Variants in ARMH4 observed in about 807,000 individuals in gnomAD.
The protein encoded by ARMH4 is armadillo-like helical domain-containing protein 4.
Under a neutral mutation model 61.9 loss-of-function variants are expected in ARMH4, and 49 were observed. That is an observed-to-expected ratio of 0.79 (90% CI 0.63 to 1.00). The LOEUF (loss-of-function observed/expected upper bound fraction) is 1.00. Among genes scored for constraint, ARMH4 ranks in the 50% least tolerant of loss-of-function variants. The probability of loss-of-function intolerance (pLI) is 0.00; values close to 1 mark genes in which losing one functional copy is unlikely to be tolerated. For synonymous variants in ARMH4, 368 were observed against 341.5 expected, an observed-to-expected ratio of 1.08 and a Z score of -0.85; for missense variants, 934 against 930.0, an observed-to-expected ratio of 1.00 and a Z score of -0.06.
chr14:58,146,202 A>G (rs1164911472), intron 1 of ARMH4, among the ~76,000 whole-genome samples: 1 of 152,276 alleles, frequency 6.6e-6, no homozygotes, highest in Non-Finnish European at 1.5e-5. Context: ...GAATGTCTAT[A>G]GCCCACTTTG....
intron 4 of ARMH4, among the ~76,000 whole-genome samples, chr14:58,115,668 G>A (rs888574819): frequency 1.3e-5 from 2 of 152,074 alleles, no homozygotes; most frequent in South Asian, 2.1e-4. Context: ...GGTAATCAAC[G>A]AAGATGCCCA....
chr14:58,112,829 T>A (rs901495081), intron 4 of ARMH4, among the ~76,000 whole-genome samples: 3 of 152,190 alleles, frequency 2.0e-5, no homozygotes, highest in African/African-American at 7.2e-5. Flanking sequence ...CCATTGCTGC[T>A]AAGTCTGCTC....
At chr14:58,112,248 T>A (rs1422422180) in intron 4 of ARMH4, among the ~76,000 whole-genome samples, 3 of 152,116 alleles carry the variant, frequency 2.0e-5, no homozygotes, top group Non-Finnish European at 4.4e-5. Context: ...TTTGTGTTTG[T>A]TACTTTATTT....
At chr14:58,084,388 C>G (rs1420301157) in intron 5 of ARMH4, among the ~76,000 whole-genome samples, 1 of 152,158 alleles carries the variant, frequency 6.6e-6, no homozygotes, top group Non-Finnish European at 1.5e-5. Flanking sequence ...TACTATTGGT[C>G]TATTTCCCCC....
intron 5 of ARMH4, among the ~76,000 whole-genome samples, chr14:58,029,382 T>C (rs1883142961): frequency 6.6e-6 from 1 of 152,102 alleles, no homozygotes; most frequent in African/African-American, 2.4e-5. Flanking sequence ...TACAGGCATG[T>C]GTCACCATGC....
chr14:58,085,566 G>A (rs1885352293), intron 5 of ARMH4, among the ~76,000 whole-genome samples: 1 of 152,058 alleles, frequency 6.6e-6, no homozygotes, highest in Non-Finnish European at 1.5e-5. Flanking sequence ...GCTCTCCAAA[G>A]GAAAAGTGAT....
At chr14:58,077,257 TAA>T (rs1214902639) in intron 5 of ARMH4, among the ~76,000 whole-genome samples, 2 of 152,062 alleles carry the variant, frequency 1.3e-5, no homozygotes, top group East Asian at 3.8e-4. Flanking sequence ...TTAAAGATGG[TAA>T]AGAGTGAGAA....
intron 5 of ARMH4, among the ~76,000 whole-genome samples, chr14:58,070,605 C>T (rs1285593173): frequency 6.6e-6 from 1 of 152,152 alleles, no homozygotes; most frequent in Non-Finnish European, 1.5e-5. Context: ...GAACTGTGTA[C>T]AATTAGGCCT....
At chr14:58,099,216 A>G (rs1449844637) in intron 4 of ARMH4, among the ~76,000 whole-genome samples, 2 of 152,222 alleles carry the variant, frequency 1.3e-5, no homozygotes, top group East Asian at 3.9e-4. Flanking sequence ...GGGAATTGTC[A>G]ATTTATTAAT....
chr14:58,104,796 C>A (rs1886114848), intron 4 of ARMH4, among the ~76,000 whole-genome samples: 1 of 152,164 alleles, frequency 6.6e-6, no homozygotes, highest in African/African-American at 2.4e-5. Flanking sequence ...GAGTACTTGG[C>A]AATCAACAGC....
At chr14:58,043,522 GCAT>G (rs1314816994) in intron 5 of ARMH4, among the ~76,000 whole-genome samples, 2 of 152,160 alleles carry the variant, frequency 1.3e-5, no homozygotes, top group Non-Finnish European at 1.5e-5. Context: ...AAAACTGGAA[GCAT>G]TCCCTTTGAA....
chr14:58,063,120 C>T (rs1884585624), intron 5 of ARMH4, among the ~76,000 whole-genome samples: 1 of 152,186 alleles, frequency 6.6e-6, no homozygotes, highest in African/African-American at 2.4e-5. Flanking sequence ...GCTCTGGCAG[C>T]TCCAGGGGAT....
intron 2 of ARMH4, among the ~76,000 whole-genome samples, chr14:58,133,629 CAT>C (rs891403831): frequency 3.9e-5 from 6 of 152,116 alleles, no homozygotes; most frequent in Non-Finnish European, 7.3e-5. Flanking sequence ...CTTTCAGGCA[CAT>C]GTTTGAATGT....
intron 5 of ARMH4, among the ~76,000 whole-genome samples, chr14:58,015,614 C>G (rs1028394289): frequency 6.6e-6 from 1 of 151,892 alleles, no homozygotes; most frequent in Non-Finnish European, 1.5e-5. Flanking sequence ...CATGAGGATC[C>G]TGTAAACAGT....
At chr14:58,035,015 G>A (rs1883421561) in intron 5 of ARMH4, among the ~76,000 whole-genome samples, 3 of 113,412 alleles carry the variant, frequency 2.6e-5, no homozygotes, top group African/African-American at 9.5e-5. Flanking sequence ...AGTCAACAAG[G>A]ATACCCAGGA....
Position 58,138,705 on chromosome 14 carries a change from G to A in ARMH4, c.654C>T (p.Thr218=), listed in dbSNP as rs1229358047. The change falls in exon 2 of 8, where the codon ACC becomes ACT. Residue 218 remains threonine (T), a synonymous_variant. Coordinates refer to ENST00000267485, the MANE Select transcript of ARMH4 (RefSeq NM_001001872.4). Reference sequence around the variant, plus strand: ...CTTCAAATTTCTCAGTCTTTGGATTGGTGGTTAGCATTTCCTTAGTATTCA... The same window carrying A: ...CTTCAAATTTCTCAGTCTTTGGATTAGTGGTTAGCATTTCCTTAGTATTCA... ...SYVNTKEMLT[T]NPKTEKFEAD... 6.2e-7 allele frequency: 1 copy of A among 1,614,096 alleles called. No homozygotes were observed. The highest frequency in any genetic ancestry group is 8.5e-7 in the Non-Finnish European group (1 of 1,180,036).
At chr14:58,043,646 GA>G (rs1883812296) in intron 5 of ARMH4, among the ~76,000 whole-genome samples, 1 of 152,198 alleles carries the variant, frequency 6.6e-6, no homozygotes, top group Non-Finnish European at 1.5e-5. Context: ...ATTCAATTAG[GA>G]AAAGAGGAAG....
intron 6 of ARMH4, among the ~76,000 whole-genome samples, chr14:58,006,928 A>T (rs12889120): frequency 0.46 from 65,614 of 142,178 alleles, 15,254 homozygotes; most frequent in African/African-American, 0.61. Flanking sequence ...ATAAATAAAT[A>T]AATTAATTAA....
chr14:58,087,694 A>C (rs1885426962), intron 5 of ARMH4, among the ~76,000 whole-genome samples: 1 of 152,164 alleles, frequency 6.6e-6, no homozygotes, highest in Admixed American at 6.6e-5. Context: ...TTTTGGTGTG[A>C]AATTCCTACA....
Sources: allele counts gnomAD v4.1 joint callset (sites outside exome capture counted in the v4.1 genomes callset), GRCh38; gene constraint gnomAD v4.1.1; transcripts MANE v1.5; gene names NCBI Gene and HGNC (gene_info 2026-07-23, HGNC 2026-07-21).